PPM1E: variants seen among roughly 807,000 people sequenced by gnomAD.
PPM1E encodes the protein protein phosphatase 1E.
In PPM1E, 20 loss-of-function variants were observed where a neutral mutation model predicts 65.9. That is an observed-to-expected ratio of 0.30 (90% CI 0.21 to 0.44). The LOEUF (loss-of-function observed/expected upper bound fraction) is 0.44, where lower values mean the gene tolerates loss of function less well. Ranked by LOEUF, PPM1E falls within the 20% of genes least tolerant of loss-of-function variation. The probability of loss-of-function intolerance (pLI) is 1.00; values close to 1 mark genes in which losing one functional copy is unlikely to be tolerated. For missense variants in PPM1E, 713 were observed against 953.1 expected, an observed-to-expected ratio of 0.75 and a Z score of 3.32; for synonymous variants, 352 against 374.9, an observed-to-expected ratio of 0.94 and a Z score of 0.70.
At chr17:58,847,310 A>G (rs2050781575) in intron 1 of PPM1E, among the ~76,000 whole-genome samples, 1 of 152,032 alleles carries the variant, frequency 6.6e-6, no homozygotes, top group Non-Finnish European at 1.5e-5. Flanking sequence ...TTTTGTTGCC[A>G]TTGCTTTTGG....
intron 1 of PPM1E, among the ~76,000 whole-genome samples, chr17:58,836,232 A>G (rs933544695): frequency 3.3e-5 from 5 of 152,122 alleles, no homozygotes; most frequent in African/African-American, 1.2e-4. Flanking sequence ...TACTAACTTT[A>G]TCTTTTGTGT....
intron 1 of PPM1E, among the ~76,000 whole-genome samples, chr17:58,836,717 C>G (rs927437340): frequency 2.0e-5 from 3 of 150,376 alleles, no homozygotes; most frequent in Non-Finnish European, 4.4e-5. Flanking sequence ...CCTGCCTCGG[C>G]CTCCTAAAGT....
intron 1 of PPM1E, among the ~76,000 whole-genome samples, chr17:58,791,593 A>G (rs1353007960): frequency 6.6e-6 from 1 of 152,198 alleles, no homozygotes; most frequent in African/African-American, 2.4e-5. Context: ...CCACTTGTAT[A>G]GGAATACCAC....
chr17:58,977,093 G>A (rs549707856), intron 6 of PPM1E, among the ~76,000 whole-genome samples: 2 of 152,186 alleles, frequency 1.3e-5, no homozygotes, highest in African/African-American at 4.8e-5. Context: ...TAGCATATAA[G>A]TGAAGTTGAT....
At chr17:58,934,428 A>C (rs977779055) in intron 1 of PPM1E, among the ~76,000 whole-genome samples, 1 of 152,164 alleles carries the variant, frequency 6.6e-6, no homozygotes, top group African/African-American at 2.4e-5. Flanking sequence ...AAATATATTT[A>C]TTTTCTACTC....
At chr17:58,867,741 C>T (rs575582178) in intron 1 of PPM1E, among the ~76,000 whole-genome samples, 1 of 152,264 alleles carries the variant, frequency 6.6e-6, no homozygotes, top group African/African-American at 2.4e-5. Flanking sequence ...TTTTGTATCT[C>T]ACAATTTTGT....
At chr17:58,837,873 G>T (rs2050679391) in intron 1 of PPM1E, among the ~76,000 whole-genome samples, 1 of 152,146 alleles carries the variant, frequency 6.6e-6, no homozygotes, top group African/African-American at 2.4e-5. Flanking sequence ...ATAAAAGTTG[G>T]CAGCATTTGA....
At chr17:58,875,934 A>C (rs905560252) in intron 1 of PPM1E, among the ~76,000 whole-genome samples, 1 of 152,178 alleles carries the variant, frequency 6.6e-6, no homozygotes, top group Non-Finnish European at 1.5e-5. Flanking sequence ...CAAAGACTTC[A>C]TCTGAAAAGG....
intron 2 of PPM1E, among the ~76,000 whole-genome samples, chr17:58,957,866 C>A (rs1169060457): frequency 6.6e-6 from 1 of 152,214 alleles, no homozygotes; most frequent in African/African-American, 2.4e-5. Context: ...TGAGGGCCAG[C>A]TGTTGGTGAC....
chr17:58,960,765 C>CAAA, intron 2 of PPM1E, among the ~76,000 whole-genome samples: 1 of 68,912 alleles, frequency 1.5e-5, no homozygotes, highest in African/African-American at 4.6e-5. Flanking sequence ...GACTCTGTCT[C>CAAA]AAAAAAAAAA....
intron 1 of PPM1E, among the ~76,000 whole-genome samples, chr17:58,778,522 G>T (rs984532063): frequency 1.3e-5 from 2 of 149,286 alleles, no homozygotes; most frequent in African/African-American, 2.5e-5. Context: ...CAGTTCTCGT[G>T]CCTCAGCCTC....
At chr17:58,957,651 C>T (rs1270248042) in intron 2 of PPM1E, among the ~76,000 whole-genome samples, 1 of 152,068 alleles carries the variant, frequency 6.6e-6, no homozygotes, top group Non-Finnish European at 1.5e-5. Flanking sequence ...GACCTGCTGT[C>T]ACTGGCTTAA....
chr17:58,816,780 A>G (rs1318863307), intron 1 of PPM1E, among the ~76,000 whole-genome samples: 1 of 9,106 alleles, frequency 1.1e-4, no homozygotes, highest in Non-Finnish European at 2.1e-4. Flanking sequence ...ATATATATAT[A>G]TATATATATA....
chr17:58,887,043 A>C (rs1178712921), intron 1 of PPM1E, among the ~76,000 whole-genome samples: 2 of 152,190 alleles, frequency 1.3e-5, no homozygotes, highest in African/African-American at 4.8e-5. Context: ...TTAGCACTGC[A>C]TATATAAAGC....
At chr17:58,768,858 A>G (rs1303829720) in intron 1 of PPM1E, among the ~76,000 whole-genome samples, 1 of 151,942 alleles carries the variant, frequency 6.6e-6, no homozygotes, top group Non-Finnish European at 1.5e-5. Context: ...TAATAGAGAC[A>G]GGGTTTCTCC....
At chr17:58,782,549 G>A (rs1312861385) in intron 1 of PPM1E, among the ~76,000 whole-genome samples, 1 of 151,182 alleles carries the variant, frequency 6.6e-6, no homozygotes, top group Non-Finnish European at 1.5e-5. Flanking sequence ...TTACAGGTGC[G>A]TGCCACCACG....
intron 1 of PPM1E, among the ~76,000 whole-genome samples, chr17:58,782,859 A>C (rs1001428492): frequency 6.6e-6 from 1 of 152,178 alleles, no homozygotes; most frequent in African/African-American, 2.4e-5. Flanking sequence ...TATATTCAGA[A>C]ACAGGAATAT....
intron 1 of PPM1E, among the ~76,000 whole-genome samples, chr17:58,826,623 T>G (rs1469741115): frequency 6.6e-6 from 1 of 152,074 alleles, no homozygotes; most frequent in Non-Finnish European, 1.5e-5. Context: ...AAATATTTTG[T>G]TTTTACTCTT....
At chr17:58,771,013 C>T (rs1330153558) in intron 1 of PPM1E, among the ~76,000 whole-genome samples, 6 of 152,068 alleles carry the variant, frequency 3.9e-5, no homozygotes, top group Non-Finnish European at 5.9e-5. Flanking sequence ...CATGCCACCA[C>T]GCCCAACTAA....
Sources: allele counts gnomAD v4.1 joint callset (sites outside exome capture counted in the v4.1 genomes callset), GRCh38; gene constraint gnomAD v4.1.1; transcripts MANE v1.5; gene names NCBI Gene and HGNC (gene_info 2026-07-23, HGNC 2026-07-21).